FBXL13: variants seen among roughly 807,000 people sequenced by gnomAD.
FBXL13 encodes F-box and leucine rich repeat protein 13.
Under a neutral mutation model 83.6 loss-of-function variants are expected in FBXL13, and 67 were observed. The ratio of observed to expected loss-of-function variants is 0.80; its 90% CI spans 0.66 to 0.98. The LOEUF (loss-of-function observed/expected upper bound fraction) is 0.98. Ranked by LOEUF, FBXL13 falls within the 50% of genes least tolerant of loss-of-function variation. The pLI, the probability that FBXL13 is intolerant of heterozygous loss-of-function variation, is 0.00. For missense variants in FBXL13, 822 were observed against 866.5 expected (o/e 0.95, Z 0.64); for synonymous variants, 272 against 299.5 (o/e 0.91, Z 0.95).
At chr7:103,026,773 C>A (rs1793965558) in intron 5 of FBXL13, among the ~76,000 whole-genome samples, 1 of 152,088 alleles carries the variant, frequency 6.6e-6, no homozygotes, top group Non-Finnish European at 1.5e-5. Flanking sequence ...ATGGGGCAAC[C>A]ACAAAAGAAG....
chr7:102,968,026 T>C, exon 7 of FBXL13: 1 of 1,611,120 alleles, frequency 6.2e-7, no homozygotes, highest in Non-Finnish European at 8.5e-7. Flanking sequence ...ACTTACAGCA[T>C]TCCACAGTGA....
intron 8 of FBXL13, chr7:102,944,280 T>C (rs758718590): frequency 4.3e-6 from 7 of 1,613,922 alleles, no homozygotes; most frequent in East Asian, 2.2e-5. Flanking sequence ...ACTTTGACTA[T>C]GGCGTATTAG....
At chr7:102,913,710 T>C (rs971439209) in intron 10 of FBXL13, among the ~76,000 whole-genome samples, 1 of 152,248 alleles carries the variant, frequency 6.6e-6, no homozygotes, top group Non-Finnish European at 1.5e-5. Context: ...AATATGACCA[T>C]GCTCTTAAAA....
chr7:102,882,936 G>A (rs996046908), intron 14 of FBXL13, among the ~76,000 whole-genome samples: 4 of 152,040 alleles, frequency 2.6e-5, no homozygotes, highest in Admixed American at 1.3e-4. Context: ...TACCCAAGAG[G>A]AAAACCTTCA....
chr7:103,044,967 G>T (rs1796121327), intron 2 of FBXL13, among the ~76,000 whole-genome samples: 1 of 152,206 alleles, frequency 6.6e-6, no homozygotes, highest in African/African-American at 2.4e-5. Context: ...AATAGGCAAT[G>T]ATAAAAGAAA....
chr7:102,981,409 C>CCG (rs1828212245), intron 6 of FBXL13, among the ~76,000 whole-genome samples: 1 of 152,282 alleles, frequency 6.6e-6, no homozygotes, highest in South Asian at 2.1e-4. Context: ...CTTTCCCCCC[C>CCG]TTACCCACCT....
At position 103,009,718 on chromosome 7, in the gene FBXL13, G is replaced by A. The variant is rs532947436; in HGVS notation, c.495+15345C>T. On this transcript the variant is annotated intron_variant, in intron 6 of 19. Coordinates refer to ENST00000313221, the Ensembl canonical transcript of FBXL13. ...GTTCCACCCCTCCTTGCTGGACAGG[G>A]CTAGGCACCAGTTTCCAGCCCAGCA... 4.2e-4 allele frequency among the ~76,000 whole-genome samples: 64 copies of A among 152,306 alleles called. No homozygotes were observed. The Middle Eastern group carries it at 0.01, about 24-fold the overall frequency.
chr7:103,034,087 G>A (rs1426289374), intron 2 of FBXL13, among the ~76,000 whole-genome samples: 1 of 152,232 alleles, frequency 6.6e-6, no homozygotes, highest in African/African-American at 2.4e-5. Context: ...CCTTGAGCTA[G>A]AGACAGAGTG....
At chr7:103,003,436 C>T (rs561209037) in intron 6 of FBXL13, among the ~76,000 whole-genome samples, 38 of 147,100 alleles carry the variant, frequency 2.6e-4, no homozygotes, top group African/African-American at 5.3e-4. Context: ...TACAGGTGCA[C>T]GCCACCATAC....
At chr7:103,022,247 G>A (rs1293462748) in intron 6 of FBXL13, among the ~76,000 whole-genome samples, 3 of 151,620 alleles carry the variant, frequency 2.0e-5, no homozygotes, top group Non-Finnish European at 4.4e-5. Flanking sequence ...ACCAAACACC[G>A]CATGTTCTTA....
intron 17 of FBXL13, among the ~76,000 whole-genome samples, chr7:102,845,227 AACCAAGAACTC>A (rs1248930391): frequency 2.0e-5 from 3 of 152,174 alleles, no homozygotes; most frequent in Admixed American, 6.5e-5. Flanking sequence ...ACCAGCCCCC[AACCAAGAACTC>A]ACCAAGAGTC....
At chr7:103,049,840 G>C (rs569898260) in intron 2 of FBXL13, among the ~76,000 whole-genome samples, 3 of 152,312 alleles carry the variant, frequency 2.0e-5, no homozygotes, top group South Asian at 2.1e-4. Flanking sequence ...GGTGCTCTGA[G>C]AAAGGAAAAT....
chr7:102,828,837 G>A (rs1464520968), intron 18 of FBXL13, among the ~76,000 whole-genome samples: 1 of 152,154 alleles, frequency 6.6e-6, no homozygotes, highest in Non-Finnish European at 1.5e-5. Flanking sequence ...GGCCTTAGGG[G>A]AGAGCAGCCA....
chr7:102,844,956 G>A (rs989621894), intron 17 of FBXL13, among the ~76,000 whole-genome samples: 3 of 152,174 alleles, frequency 2.0e-5, no homozygotes, highest in African/African-American at 7.2e-5. Context: ...AGATGAAAAG[G>A]TACATAGGGC....
chr7:102,977,096 G>A (rs887104428), intron 6 of FBXL13, among the ~76,000 whole-genome samples: 3 of 152,166 alleles, frequency 2.0e-5, no homozygotes, highest in African/African-American at 7.2e-5. Flanking sequence ...AAAGGTAGGA[G>A]GAAGCCAAAG....
chr7:102,839,707 A>G (rs1802595921), intron 17 of FBXL13, among the ~76,000 whole-genome samples: 1 of 152,112 alleles, frequency 6.6e-6, no homozygotes. Flanking sequence ...CAGCCTCCCA[A>G]AGTGCTGGGA....
chr7:102,963,673 G>A lies in FBXL13; in HGVS notation c.592-8C>T, dbSNP rs758742505. On this transcript the variant is annotated splice_polypyrimidine_tract_variant and splice_region_variant and intron_variant, in intron 7 of 19. Coordinates refer to ENST00000313221, the Ensembl canonical transcript of FBXL13. ...CACTGAGGAAAAATCAATCTAAAAA[G>A]AATAAACAAAATGCATTAAGAAATG... The A allele has an allele frequency of 1.9e-5, 30 of 1,582,830 alleles. No homozygotes were observed. In the South Asian group the frequency reaches 3.5e-4, roughly 18 times the overall value.
At chr7:103,050,730 T>G (rs893587223) in intron 2 of FBXL13, among the ~76,000 whole-genome samples, 3 of 152,230 alleles carry the variant, frequency 2.0e-5, no homozygotes, top group African/African-American at 7.2e-5. Flanking sequence ...CGGCCACTTG[T>G]CAGTAGTGAA....
chr7:102,909,196 A>G (rs1814255778), intron 11 of FBXL13, among the ~76,000 whole-genome samples: 1 of 152,176 alleles, frequency 6.6e-6, no homozygotes, highest in Admixed American at 6.5e-5. Context: ...GGCCATGAGT[A>G]GTATTGCCAG....
Sources: gnomAD v4.1 joint callset for allele counts (sites outside exome capture counted in the v4.1 genomes callset) on GRCh38, gnomAD v4.1.1 for gene constraint, MANE v1.5 for transcripts, NCBI Gene and HGNC (gene_info 2026-07-23, HGNC 2026-07-21) for gene names.